CIT: variants seen among roughly 807,000 people sequenced by gnomAD.
CIT encodes citron rho-interacting serine/threonine kinase, also known as citron Rho-interacting kinase.
A neutral mutation model predicts 272.7 loss-of-function variants in CIT; 79 were observed. The ratio of observed to expected loss-of-function variants is 0.29; its 90% CI spans 0.24 to 0.35. CIT has a LOEUF of 0.35. CIT is among the 10% of genes least tolerant of loss of function. CIT has a pLI of 1.00. For synonymous variants in CIT, 948 were observed against 995.6 expected (o/e 0.95, Z 0.90); for missense variants, 1,909 against 2,618.3 (o/e 0.73, Z 5.91).
intron 10 of CIT, among the ~76,000 whole-genome samples, chr12:119,802,029 G>A (rs1279089375): frequency 2.6e-5 from 4 of 152,106 alleles, no homozygotes; most frequent in African/African-American, 4.8e-5. Flanking sequence ...TTTCAGGAAC[G>A]TTACTGTCAA....
intron 4 of CIT, among the ~76,000 whole-genome samples, chr12:119,856,566 C>G (rs1041699676): frequency 2.0e-5 from 3 of 152,050 alleles, no homozygotes; most frequent in Non-Finnish European, 4.4e-5. Flanking sequence ...CACACACACA[C>G]ACTTGCATAG....
intron 4 of CIT, among the ~76,000 whole-genome samples, chr12:119,856,534 C>A (rs1047453964): frequency 1.9e-4 from 29 of 151,940 alleles, no homozygotes; most frequent in African/African-American, 7.0e-4. Flanking sequence ...CTGTTCTGAA[C>A]CACTGAACAC....
rs778753387 is a variant in CIT at position 119,712,240 on chromosome 12, T to C, written c.4792A>G (p.Thr1598Ala). 2 of 1,613,740 alleles carry C rather than the reference T, an allele frequency of 1.2e-6. No individual in the cohort carries two copies. The highest frequency in any genetic ancestry group is 1.7e-6 in the Non-Finnish European group (2 of 1,179,794). The change falls in exon 37 of 48, where the codon ACC (threonine) becomes GCC (alanine). Residue 1598 changes from threonine (T) to alanine (A), a missense_variant. Physicochemically the swap from Thr to Ala is moderately conservative, Grantham distance 58. Around this residue, in one of 8 missense-constraint regions of CIT, gnomAD observed 780 missense variants for 1,067.2 expected, o/e 0.73. Coordinates refer to ENST00000392521, the MANE Select transcript of CIT (RefSeq NM_001206999.2). The surrounding 1 kb of genome is among the most constrained non-coding windows in gnomAD (Gnocchi z 5.2). Reference sequence around the variant, plus strand: ...CCTGCGACAACTGATTCTAAGGCGGTGACCCAGCGCTGTTTGTCAGGGAAG... The same window carrying C: ...CCTGCGACAACTGATTCTAAGGCGGCGACCCAGCGCTGTTTGTCAGGGAAG... ...PSFPDKQRWVTALESVVAGGR... is the reference protein window; with the variant it reads ...PSFPDKQRWVAALESVVAGGR...
At chr12:119,744,385 G>T (rs1204564629) in intron 23 of CIT, among the ~76,000 whole-genome samples, 1 of 150,770 alleles carries the variant, frequency 6.6e-6, no homozygotes, top group Non-Finnish European at 1.5e-5. Context: ...ATGTAAGAGT[G>T]ATCCTTCTAT....
intron 23 of CIT, among the ~76,000 whole-genome samples, chr12:119,750,918 A>C (rs572055653): frequency 2.3e-4 from 35 of 152,188 alleles, no homozygotes; most frequent in Non-Finnish European, 4.7e-4. Flanking sequence ...CACTGACGGA[A>C]ATGGGGACAG....
chr12:119,868,190 C>A (rs1950568500), intron 3 of CIT, among the ~76,000 whole-genome samples: 1 of 152,044 alleles, frequency 6.6e-6, no homozygotes, highest in Non-Finnish European at 1.5e-5. Context: ...CCACTGCAAT[C>A]CAGCCTGGGT....
At chr12:119,733,367 A>T (rs1958574839) in intron 26 of CIT, among the ~76,000 whole-genome samples, 2 of 151,826 alleles carry the variant, frequency 1.3e-5, no homozygotes, top group Admixed American at 1.3e-4. Flanking sequence ...CCGTCTCTAC[A>T]AAAATACAAA....
At chr12:119,771,529 G>A (rs1185237294) in intron 17 of CIT, among the ~76,000 whole-genome samples, 3 of 152,176 alleles carry the variant, frequency 2.0e-5, no homozygotes, top group African/African-American at 4.8e-5. Context: ...AAGGGCAGGT[G>A]AAAAGCAGAA....
intron 3 of CIT, among the ~76,000 whole-genome samples, chr12:119,858,534 G>A (rs569552032): frequency 1.9e-4 from 28 of 151,160 alleles, no homozygotes; most frequent in Admixed American, 4.0e-4. Flanking sequence ...AAAAAAAGGC[G>A]TGGGGGCCAG....
chr12:119,818,715 G>C (rs980822952), intron 9 of CIT, among the ~76,000 whole-genome samples: 1 of 152,180 alleles, frequency 6.6e-6, no homozygotes, highest in Admixed American at 6.5e-5. Context: ...GCCCATGTCA[G>C]ACGCAACAGA....
At chr12:119,772,968 G>A in intron 16 of CIT, 58 bp from the exon 17 acceptor site, 1 of 1,510,724 alleles carries the variant, frequency 6.6e-7, no homozygotes, top group South Asian at 1.2e-5. Context: ...TAAAAAGATG[G>A]TGACAGTATG....
At chr12:119,743,774 C>T (rs1959168701) in intron 23 of CIT, among the ~76,000 whole-genome samples, 1 of 151,986 alleles carries the variant, frequency 6.6e-6, no homozygotes, top group East Asian at 1.9e-4. Context: ...GCCTTAGAAA[C>T]AGTGAAATAC....
chr12:119,784,723 G>T lies in CIT; in HGVS notation c.1401+237C>A. On this transcript the variant is annotated intron_variant, in intron 11 of 47. Coordinates refer to ENST00000392521, the MANE Select transcript of CIT (RefSeq NM_001206999.2). The surrounding 1 kb of genome is among the most constrained non-coding windows in gnomAD (Gnocchi z 4.7). ...ATCTGGCTGGGTCATGCTGAGAAACGGACTGTTTAAATCCAGGGCCTCCTC... is the reference window on the plus strand; with the variant it reads ...ATCTGGCTGGGTCATGCTGAGAAACTGACTGTTTAAATCCAGGGCCTCCTC... The T allele has an allele frequency of 7.3e-7, 1 of 1,366,966 alleles. No homozygotes were observed. The highest frequency in any genetic ancestry group is 1.8e-5 in the South Asian group (1 of 55,940). 84.7% of individuals were successfully genotyped at this position (1,366,966 alleles called of 1,614,324 possible).
intron 10 of CIT, among the ~76,000 whole-genome samples, chr12:119,797,031 G>C (rs945130538): frequency 1.3e-5 from 2 of 152,166 alleles, no homozygotes; most frequent in Middle Eastern, 6.3e-3. Context: ...GAAGTTTGTC[G>C]GAGAGAGGTC....
chr12:119,751,098 A>G (rs1392706545), intron 23 of CIT, among the ~76,000 whole-genome samples: 1 of 152,116 alleles, frequency 6.6e-6, no homozygotes, highest in Non-Finnish European at 1.5e-5. Flanking sequence ...TGAGAAATGT[A>G]TGAGCTTGGC....
At chr12:119,798,107 G>A (rs1253738214) in intron 10 of CIT, among the ~76,000 whole-genome samples, 1 of 152,068 alleles carries the variant, frequency 6.6e-6, no homozygotes, top group East Asian at 1.9e-4. Context: ...ACACACACCA[G>A]ATAAGAGTCT....
intron 9 of CIT, among the ~76,000 whole-genome samples, chr12:119,810,105 G>A (rs946377032): frequency 6.6e-6 from 1 of 152,198 alleles, no homozygotes; most frequent in African/African-American, 2.4e-5. Context: ...AGAGGGGGCT[G>A]CAGGAACCCC....
At chr12:119,708,382 G>T in intron 39 of CIT, 64 bp from the exon 40 acceptor site, 1 of 1,403,280 alleles carries the variant, frequency 7.1e-7, no homozygotes, top group South Asian at 1.8e-5. Flanking sequence ...ACGGGATGGT[G>T]GTTCTAGTTC....
Position 119,688,246 on chromosome 12 carries a change from G to C in CIT, c.6196C>G (p.Gln2066Glu). ...CTGGCTGAGATTTATACTGAAGACTGGTCCCAGACCTAGGAGTGAAATAAG... is the reference window on the plus strand; with the variant it reads ...CTGGCTGAGATTTATACTGAAGACTCGTCCCAGACCTAGGAGTGAAATAAG... ...PLSQVNKVWD[Q>E]SSV The change falls in exon 48 of 48, where the codon CAG (glutamine) becomes GAG (glutamate). Residue 2066 changes from glutamine (Q) to glutamate (E), a missense_variant. By Grantham distance (29) the Gln-to-Glu change is conservative. Transcript: ENST00000392521. The C allele has an allele frequency of 6.2e-7, 1 of 1,611,512 alleles. No homozygotes were observed.
Sources: allele counts gnomAD v4.1 joint callset (sites outside exome capture counted in the v4.1 genomes callset), GRCh38; gene constraint gnomAD v4.1.1; regional missense constraint gnomAD v4.1.1; non-coding constraint Gnocchi (gnomAD v3.1); transcripts MANE v1.5; gene names NCBI Gene and HGNC (gene_info 2026-07-23, HGNC 2026-07-21).